ITIH5: variants seen among roughly 807,000 people sequenced by gnomAD.
ITIH5 encodes inter-alpha-trypsin inhibitor heavy chain H5.
Under a neutral mutation model 77.5 loss-of-function variants are expected in ITIH5, and 65 were observed. The ratio of observed to expected loss-of-function variants is 0.84; its 90% confidence interval spans 0.69 to 1.03. The LOEUF (loss-of-function observed/expected upper bound fraction) is 1.03, where lower values mean the gene tolerates loss of function less well. Ranked by LOEUF, ITIH5 falls within the 50% of genes least tolerant of loss-of-function variation. The probability of loss-of-function intolerance (pLI) is 0.00; values close to 1 mark genes in which losing one functional copy is unlikely to be tolerated. For missense variants in ITIH5, 1,208 were observed against 1,213.1 expected, an observed-to-expected ratio of 1.00 and a Z score of 0.06; for synonymous variants, 525 against 494.3, an observed-to-expected ratio of 1.06 and a Z score of -0.82.
chr10:7,617,370 G>A, intron 5 of ITIH5, 88 bp from the exon 6 acceptor site: 1 of 842,502 alleles, frequency 1.2e-6, no homozygotes, highest in Non-Finnish European at 1.7e-6. Flanking sequence ...CAGAGTTTTA[G>A]ATTTCATTTT....
At chr10:7,635,023 T>C (rs867457580) in intron 5 of ITIH5, among the ~76,000 whole-genome samples, 128 of 152,300 alleles carry the variant, frequency 8.4e-4, no homozygotes, top group African/African-American at 2.9e-3. Flanking sequence ...GGTCTCAAAC[T>C]CCTGATCTTC....
intron 8 of ITIH5, among the ~76,000 whole-genome samples, chr10:7,582,023 A>T (rs4749028): frequency 6.6e-6 from 1 of 150,684 alleles, no homozygotes; most frequent in East Asian, 2.0e-4. Flanking sequence ...TTACAGGCAC[A>T]CGCCACCATG....
At chr10:7,624,314 C>A (rs1239370080) in intron 5 of ITIH5, among the ~76,000 whole-genome samples, 2 of 150,830 alleles carry the variant, frequency 1.3e-5, no homozygotes, top group African/African-American at 4.9e-5. Flanking sequence ...TCGAGACCAG[C>A]CTGACCAACA....
At chr10:7,611,939 T>TGG (rs1272347588) in intron 7 of ITIH5, among the ~76,000 whole-genome samples, 1 of 148,340 alleles carries the variant, frequency 6.7e-6, no homozygotes, top group Non-Finnish European at 1.5e-5. Flanking sequence ...TTACATATTT[T>TGG]GGGGTGTGGT....
chr10:7,575,519 CCA>C (rs1431673142), intron 10 of ITIH5, among the ~76,000 whole-genome samples: 2 of 152,178 alleles, frequency 1.3e-5, no homozygotes, highest in African/African-American at 4.8e-5. Context: ...ACGCGATTTT[CCA>C]CACGCAGATC....
chr10:7,608,916 A>G (rs184059865), intron 7 of ITIH5, among the ~76,000 whole-genome samples: 5 of 152,060 alleles, frequency 3.3e-5, no homozygotes, highest in African/African-American at 9.7e-5. Context: ...TGAGTAGGTG[A>G]CATCTGTGTG....
chr10:7,603,879 G>A (rs539992941), intron 7 of ITIH5, among the ~76,000 whole-genome samples: 26 of 152,286 alleles, frequency 1.7e-4, no homozygotes, highest in East Asian at 1.2e-3. Flanking sequence ...CACCACGCCC[G>A]GCCTGATATG....
At chr10:7,602,885 C>T (rs1381087176) in intron 7 of ITIH5, among the ~76,000 whole-genome samples, 1 of 152,160 alleles carries the variant, frequency 6.6e-6, no homozygotes, top group East Asian at 1.9e-4. Flanking sequence ...CATTCATAGT[C>T]ACCACTCTGG....
chr10:7,613,484 A>T (rs1833298246), intron 7 of ITIH5, among the ~76,000 whole-genome samples: 1 of 152,226 alleles, frequency 6.6e-6, no homozygotes, highest in South Asian at 2.1e-4. Flanking sequence ...AGACAAGTAC[A>T]TGTTTACTGT....
chr10:7,616,985 T>C (rs1489400863), intron 6 of ITIH5, 128 bp downstream of exon 6: 2 of 589,054 alleles, frequency 3.4e-6, no homozygotes, highest in Non-Finnish European at 5.5e-6. Flanking sequence ...AAGAAATACT[T>C]TGGATTAAAA....
At chr10:7,595,129 G>T (rs1245454661) in intron 7 of ITIH5, among the ~76,000 whole-genome samples, 2 of 152,154 alleles carry the variant, frequency 1.3e-5, no homozygotes, top group Admixed American at 6.5e-5. Context: ...TGAGGCAGGA[G>T]GATCACTGGA....
chr10:7,664,583 C>G (rs1369537401), intron 1 of ITIH5, among the ~76,000 whole-genome samples: 1 of 152,058 alleles, frequency 6.6e-6, no homozygotes, highest in African/African-American at 2.4e-5. Context: ...AGGAGTCATT[C>G]CACTATGGGT....
chr10:7,617,320 T>C (rs375495333), intron 5 of ITIH5, 38 bp from the exon 6 acceptor site: 37 of 1,308,382 alleles, frequency 2.8e-5, no homozygotes, highest in Non-Finnish European at 3.8e-5. Flanking sequence ...TAACTTAATA[T>C]ATATTTTTCC....
At chr10:7,592,422 G>A (rs550953824) in intron 7 of ITIH5, among the ~76,000 whole-genome samples, 1 of 152,062 alleles carries the variant, frequency 6.6e-6, no homozygotes, top group South Asian at 2.1e-4. Context: ...ATAAGACAGC[G>A]ACAGAGAAGA....
intron 7 of ITIH5, among the ~76,000 whole-genome samples, chr10:7,588,310 G>A (rs893596598): frequency 2.0e-5 from 3 of 152,182 alleles, no homozygotes; most frequent in Admixed American, 6.5e-5. Flanking sequence ...CTTGAGGTGA[G>A]GAGTTTGAAA....
Position 7,665,656 on chromosome 10 carries a change from TGAGTCCTTGCAAGTTTGCTCAAAAAGA to T in ITIH5, c.90+1120_90+1146del, listed in dbSNP as rs1834349781. 2.0e-5 allele frequency among the ~76,000 whole-genome samples: 3 copies of T among 152,194 alleles called. No individual in the cohort carries two copies. In the South Asian group the frequency reaches 6.2e-4, roughly 32 times the overall value. On this transcript the variant is annotated intron_variant, in intron 1 of 13. Coordinates refer to ENST00000397146, the MANE Select transcript of ITIH5 (RefSeq NM_030569.7). ...TACCAGGTGCTTAACACAAATTAGC[TGAGTCCTTGCAAGTTTGCTCAAAAAGA>T]GCCGCATTCCCTGCCCTGACCAACG...
chr10:7,651,491 C>T (rs993170817), intron 2 of ITIH5, among the ~76,000 whole-genome samples: 4 of 152,002 alleles, frequency 2.6e-5, no homozygotes, highest in African/African-American at 9.7e-5. Context: ...GCCTCTAATC[C>T]CAGGTGCTCG....
intron 5 of ITIH5, among the ~76,000 whole-genome samples, chr10:7,636,172 CT>C (rs912219201): frequency 1.3e-5 from 2 of 151,716 alleles, no homozygotes; most frequent in African/African-American, 4.8e-5. Context: ...AGAAAGCCCC[CT>C]CCCAAAAAAA....
chr10:7,624,687 G>A (rs1156274807), intron 5 of ITIH5, among the ~76,000 whole-genome samples: 1 of 148,238 alleles, frequency 6.7e-6, no homozygotes, highest in Non-Finnish European at 1.5e-5. Context: ...TAAGGAGGCT[G>A]AGGCAGAAGA....
Sources: allele counts gnomAD v4.1 joint callset (sites outside exome capture counted in the v4.1 genomes callset), GRCh38; gene constraint gnomAD v4.1.1; transcripts MANE v1.5; gene names NCBI Gene and HGNC (gene_info 2026-07-23, HGNC 2026-07-21).